CSGALNACT1: variants seen among roughly 807,000 people sequenced by gnomAD.
CSGALNACT1 encodes beta4GalNAcT-1.
CSGALNACT1 carries 52 observed loss-of-function variants against 51.0 expected under a neutral mutation model. The ratio of observed to expected loss-of-function variants is 1.02; its 90% CI spans 0.82 to 1.29. The LOEUF (loss-of-function observed/expected upper bound fraction) is 1.29, where lower values mean the gene tolerates loss of function less well. Among genes scored for constraint, CSGALNACT1 ranks in the 50% most tolerant of loss-of-function variants. The pLI is 0.00. For synonymous variants in CSGALNACT1, 341 were observed against 254.4 expected (o/e 1.34, Z -3.24); for missense variants, 935 against 679.2 (o/e 1.38, Z -4.19).
At chr8:19,751,071 A>T (rs924555676) in intron 1 of CSGALNACT1, among the ~76,000 whole-genome samples, 4 of 152,182 alleles carry the variant, frequency 2.6e-5, no homozygotes, top group Non-Finnish European at 4.4e-5. Flanking sequence ...AGACAAATAC[A>T]ATACTGTAAG....
At chr8:19,537,810 G>T (rs1003240708) in intron 3 of CSGALNACT1, among the ~76,000 whole-genome samples, 2 of 152,090 alleles carry the variant, frequency 1.3e-5, no homozygotes, top group Non-Finnish European at 2.9e-5. Context: ...AAAAACATAG[G>T]ACAAAATCTT....
At chr8:19,548,687 TGACA>T (rs1167089987) in intron 3 of CSGALNACT1, among the ~76,000 whole-genome samples, 1 of 152,232 alleles carries the variant, frequency 6.6e-6, no homozygotes. Context: ...ACTATAAGAC[TGACA>T]ATTAAAAATA....
intron 1 of CSGALNACT1, among the ~76,000 whole-genome samples, chr8:19,617,766 A>G (rs1159888341): frequency 6.6e-6 from 1 of 152,258 alleles, no homozygotes; most frequent in African/African-American, 2.4e-5. Context: ...ATGTTAGGAT[A>G]TCTTAAAATA....
At chr8:19,577,587 G>A (rs1013537318) in intron 3 of CSGALNACT1, among the ~76,000 whole-genome samples, 1 of 151,038 alleles carries the variant, frequency 6.6e-6, no homozygotes, top group Non-Finnish European at 1.5e-5. Flanking sequence ...AAATAGACAA[G>A]AAAGGAAAAT....
At chr8:19,661,056 G>T (rs540371788) in intron 1 of CSGALNACT1, among the ~76,000 whole-genome samples, 1 of 151,854 alleles carries the variant, frequency 6.6e-6, no homozygotes, top group East Asian at 1.9e-4. Context: ...GGGTCTACAG[G>T]TGCATGCCAC....
intron 4 of CSGALNACT1, among the ~76,000 whole-genome samples, chr8:19,497,255 AGAGAG>A (rs2075656436): frequency 6.6e-6 from 1 of 152,196 alleles, no homozygotes; most frequent in South Asian, 2.1e-4. Flanking sequence ...GCTGGGAGTG[AGAGAG>A]GAGAGAAGTA....
intron 4 of CSGALNACT1, among the ~76,000 whole-genome samples, chr8:19,499,496 C>T (rs781566097): frequency 3.3e-5 from 5 of 152,032 alleles, no homozygotes; most frequent in Non-Finnish European, 7.4e-5. Flanking sequence ...GTTTTTTTCC[C>T]TGGGAACTAA....
In CSGALNACT1 at chr8:19,710,372, G is replaced by A. The variant is rs866323154; in HGVS notation, c.-297+47478C>T. Among the ~76,000 whole-genome samples the A allele has an allele frequency of 3.3e-5, 5 of 152,206 alleles. 1 individual carries two copies. The South Asian group carries it at 1.0e-3, about 32-fold the overall frequency. ...TTTATAGCACCTATGATAAAGCAGT[G>A]AAATCATCTGAAAAAAGGATGGTTC... On this transcript the variant is annotated intron_variant, in intron 1 of 1. Coordinates refer to the CSGALNACT1 transcript ENST00000517494.
At chr8:19,591,999 T>G (rs1346778895) in intron 2 of CSGALNACT1, among the ~76,000 whole-genome samples, 1 of 152,146 alleles carries the variant, frequency 6.6e-6, no homozygotes, top group East Asian at 1.9e-4. Context: ...CTGTTCAGCA[T>G]GTATAACCTG....
chr8:19,605,481 AT>A (rs1341471639), upstream of CSGALNACT1, among the ~76,000 whole-genome samples: 1 of 152,174 alleles, frequency 6.6e-6, no homozygotes, highest in African/African-American at 2.4e-5. Context: ...TCGTTCTTGT[AT>A]CCGGGTCTCA....
At chr8:19,560,136 T>C (rs1410249944) in intron 3 of CSGALNACT1, among the ~76,000 whole-genome samples, 1 of 152,188 alleles carries the variant, frequency 6.6e-6, no homozygotes, top group South Asian at 2.1e-4. Flanking sequence ...TGCACGGACC[T>C]TGGGGGACTG....
chr8:19,661,100 G>C (rs1173284681), intron 1 of CSGALNACT1, among the ~76,000 whole-genome samples: 1 of 149,562 alleles, frequency 6.7e-6, no homozygotes, highest in African/African-American at 2.5e-5. Context: ...TTTTTTAGTA[G>C]AGACGGGATT....
chr8:19,532,885 C>G (rs1299878294), intron 3 of CSGALNACT1, among the ~76,000 whole-genome samples: 1 of 152,220 alleles, frequency 6.6e-6, no homozygotes, highest in African/African-American at 2.4e-5. Flanking sequence ...ACAAAACAAG[C>G]TGCTTATCCA....
At chr8:19,721,131 T>C (rs2063104893) in intron 1 of CSGALNACT1, among the ~76,000 whole-genome samples, 1 of 152,168 alleles carries the variant, frequency 6.6e-6, no homozygotes, top group African/African-American at 2.4e-5. Flanking sequence ...CCCCATTGGG[T>C]TCTCAGTTCA....
intron 3 of CSGALNACT1, among the ~76,000 whole-genome samples, chr8:19,581,605 AAAAACAAAAC>A (rs901335326): frequency 6.6e-6 from 1 of 152,272 alleles, no homozygotes; most frequent in South Asian, 2.1e-4. Context: ...GACTCTGTCT[AAAAACAAAAC>A]AAAACAAAAC....
chr8:19,450,852 G>A (rs1010661578), intron 5 of CSGALNACT1, among the ~76,000 whole-genome samples: 2 of 152,090 alleles, frequency 1.3e-5, no homozygotes, highest in African/African-American at 2.4e-5. Context: ...TGAGGCTGCA[G>A]TGAGCCATGA....
chr8:19,666,997 AAG>A (rs1322213024), intron 1 of CSGALNACT1, among the ~76,000 whole-genome samples: 1 of 23,930 alleles, frequency 4.2e-5, no homozygotes, highest in African/African-American at 2.7e-4. Context: ...GAAAGAAAGA[AAG>A]AAAGAAAGAA....
rs182940264 is a variant in CSGALNACT1 at position 19,557,833 on chromosome 8, C to T, written c.-297+33327G>A. On this transcript the variant is annotated intron_variant, in intron 3 of 9. Transcript: ENST00000454498. ...CATAAACCCCATGAGGAAGGAACTT[C>T]GTTTGTTCACCACGCCATTCTTCTC... is the stretch of plus-strand genomic sequence containing the variant. Among the ~76,000 whole-genome samples the T allele has an allele frequency of 3.3e-5, 5 of 152,306 alleles. No homozygotes were observed. The East Asian group carries it at 7.7e-4, about 24-fold the overall frequency.
intron 1 of CSGALNACT1, among the ~76,000 whole-genome samples, chr8:19,620,948 A>G (rs1329117626): frequency 6.6e-6 from 1 of 152,204 alleles, no homozygotes; most frequent in Non-Finnish European, 1.5e-5. Context: ...CTAGAAGAAC[A>G]GTGGGAATCA....
Sources: allele counts gnomAD v4.1 joint callset (sites outside exome capture counted in the v4.1 genomes callset), GRCh38; gene constraint gnomAD v4.1.1; transcripts MANE v1.5; gene names NCBI Gene and HGNC (gene_info 2026-07-23, HGNC 2026-07-21).